OR51B5: variants seen among roughly 807,000 people sequenced by gnomAD.
OR51B5 encodes olfactory receptor family 51 subfamily B member 5, also known as olfactory receptor 51B5.
For synonymous variants in OR51B5, 186 were observed against 144.8 expected (o/e 1.28, Z -2.04); for missense variants, 456 against 374.6 (o/e 1.22, Z -1.79).
chr11:5,394,246 T>C (rs1003349927), intron 1 of OR51B5, among the ~76,000 whole-genome samples: 1 of 152,024 alleles, frequency 6.6e-6, no homozygotes, highest in Non-Finnish European at 1.5e-5. Flanking sequence ...CCTTATGAGA[T>C]GGATACTACT....
Position 5,342,756 on chromosome 11 carries a change from A to ACAATC in OR51B5, c.764_768dup (p.Ser257AspfsTer4). On this transcript the variant is annotated frameshift_variant, in exon 1 of 1. Transcript: ENST00000300773. LOFTEE classifies it low-confidence loss of function (END_TRUNC). Reference sequence around the variant, plus strand: ...TGCTTTCCAAAACGATGAATCAGAGACAATCCAATCACTGTGACATAAAAA... The same window carrying ACAATC: ...TGCTTTCCAAAACGATGAATCAGAGACAATCCAATCCAATCACTGTGACATAAAAA... 1 of 1,613,816 alleles carries ACAATC rather than the reference A, an allele frequency of 6.2e-7. No individual in the cohort carries two copies. Among genetic ancestry groups the ACAATC allele is most frequent in the South Asian group, 1.1e-5 (1 of 91,040 alleles).
intron 1 of OR51B5, among the ~76,000 whole-genome samples, chr11:5,421,246 A>T (rs1589987256): frequency 6.6e-6 from 1 of 152,008 alleles, no homozygotes; most frequent in Non-Finnish European, 1.5e-5. Flanking sequence ...CACACCTTCC[A>T]CCCTCCAGAC....
chr11:5,462,722 T>A (rs1851077115), intron 1 of OR51B5, among the ~76,000 whole-genome samples: 1 of 152,240 alleles, frequency 6.6e-6, no homozygotes, highest in African/African-American at 2.4e-5. Flanking sequence ...GCTGATGCAC[T>A]ACTTTGGACT....
intron 1 of OR51B5, among the ~76,000 whole-genome samples, chr11:5,457,045 C>A (rs1268392961): frequency 1.3e-5 from 2 of 152,182 alleles, no homozygotes. Flanking sequence ...CGTAAGCCTG[C>A]AGAACCATTA....
At chr11:5,380,914 T>TA (rs1564794048) in intron 1 of OR51B5, among the ~76,000 whole-genome samples, 1 of 152,104 alleles carries the variant, frequency 6.6e-6, no homozygotes, top group Admixed American at 6.6e-5. Context: ...AATTTAAGCC[T>TA]ATCCTTGGGC....
At chr11:5,440,772 C>A (rs568365466) in intron 1 of OR51B5, 1 of 1,613,946 alleles carries the variant, frequency 6.2e-7, no homozygotes, top group African/African-American at 1.3e-5. Flanking sequence ...CAGCACTGCA[C>A]AGATGTGTGA....
intron 1 of OR51B5, among the ~76,000 whole-genome samples, chr11:5,435,054 C>A (rs1850574718): frequency 6.6e-6 from 1 of 152,066 alleles, no homozygotes; most frequent in East Asian, 1.9e-4. Context: ...GGGGTTAAGT[C>A]ACCTTTGAAA....
chr11:5,380,101 C>T (rs966652509), intron 1 of OR51B5, among the ~76,000 whole-genome samples: 3 of 151,938 alleles, frequency 2.0e-5, no homozygotes, highest in Non-Finnish European at 4.4e-5. Flanking sequence ...AGATGGTTTC[C>T]CAAAAGGGGT....
intron 1 of OR51B5, among the ~76,000 whole-genome samples, chr11:5,490,987 T>C (rs1298535751): frequency 1.3e-5 from 2 of 152,270 alleles, no homozygotes; most frequent in Non-Finnish European, 2.9e-5. Context: ...GCTTTTGAAT[T>C]GATAACCATT....
At chr11:5,432,332 G>A in intron 1 of OR51B5, among the ~76,000 whole-genome samples, 1 of 151,722 alleles carries the variant, frequency 6.6e-6, no homozygotes. Flanking sequence ...CAGAAACTTT[G>A]GAATAAATAA....
chr11:5,389,717 G>C (rs1162517370), intron 1 of OR51B5: 6 of 1,613,832 alleles, frequency 3.7e-6, no homozygotes. Flanking sequence ...TATCTACTTT[G>C]GAGCGTGTCA....
At chr11:5,468,667 C>T (rs751202207) in intron 1 of OR51B5, 6 of 456,562 alleles carry the variant, frequency 1.3e-5, no homozygotes, top group South Asian at 9.3e-5. Flanking sequence ...CATAGAAGAT[C>T]AGCACTGCAT....
intron 1 of OR51B5, among the ~76,000 whole-genome samples, chr11:5,460,265 G>C (rs563396253): frequency 6.6e-6 from 1 of 152,030 alleles, no homozygotes; most frequent in South Asian, 2.1e-4. Flanking sequence ...AAGAGGGAGA[G>C]GATCAAAAAG....
chr11:5,369,596 C>T lies in OR51B5; in HGVS notation n.85-22686G>A, dbSNP rs143672049. Among the ~76,000 whole-genome samples the T allele has an allele frequency of 8.9e-3, 1,347 of 152,096 alleles. 22 individuals carry two copies. Among genetic ancestry groups the T allele is most frequent in the African/African-American group, 0.031 (1,283 of 41,482 alleles). On this transcript the variant is annotated intron_variant and non_coding_transcript_variant, in intron 1 of 4. Transcript: ENST00000415970. ...ATAATTTAAAAAATTATATATACTC[C>T]ATGTATATTAAATATAAAGTAAAGA...
At chr11:5,436,079 A>T (rs1311057836) in intron 1 of OR51B5, among the ~76,000 whole-genome samples, 7 of 152,154 alleles carry the variant, frequency 4.6e-5, no homozygotes, top group Non-Finnish European at 8.8e-5. Flanking sequence ...TTGGTTCTCT[A>T]TTCTAAATAG....
intron 1 of OR51B5, among the ~76,000 whole-genome samples, chr11:5,444,124 T>C (rs1223060529): frequency 6.6e-6 from 1 of 152,142 alleles, no homozygotes; most frequent in Non-Finnish European, 1.5e-5. Flanking sequence ...CACAAATGCA[T>C]CAGCATTAAC....
intron 1 of OR51B5, among the ~76,000 whole-genome samples, chr11:5,432,447 G>T (rs1022675858): frequency 2.6e-5 from 4 of 152,090 alleles, no homozygotes; most frequent in Non-Finnish European, 5.9e-5. Flanking sequence ...TGTTTGGCTT[G>T]GTTTGAGTTT....
intron 1 of OR51B5, chr11:5,441,576 C>A: frequency 8.0e-7 from 1 of 1,245,042 alleles, no homozygotes; most frequent in South Asian, 1.3e-5. Flanking sequence ...TCTTCACTTT[C>A]TTTCAGATAT....
chr11:5,453,331 C>G (rs1480075440), intron 1 of OR51B5: 2 of 487,748 alleles, frequency 4.1e-6, no homozygotes, highest in African/African-American at 3.9e-5. Flanking sequence ...TGCATCATCT[C>G]AAAAGCAGTG....
Sources: allele counts gnomAD v4.1 joint callset (sites outside exome capture counted in the v4.1 genomes callset), GRCh38; gene constraint gnomAD v4.1.1; transcripts MANE v1.5; gene names NCBI Gene and HGNC (gene_info 2026-07-23, HGNC 2026-07-21).